The following NELL2 variants were observed in gnomAD, a reference collection of about 807,000 sequenced individuals.
The protein encoded by NELL2 is protein kinase C-binding protein NELL2.
Under a neutral mutation model 109.6 loss-of-function variants are expected in NELL2, and 41 were observed. That is an observed-to-expected ratio of 0.37 (90% CI 0.29 to 0.49). The LOEUF (loss-of-function observed/expected upper bound fraction) is 0.49, where lower values mean the gene tolerates loss of function less well. NELL2 is among the 20% of genes least tolerant of loss of function. The probability of loss-of-function intolerance (pLI) is 0.98; values close to 1 mark genes in which losing one functional copy is unlikely to be tolerated. For synonymous variants in NELL2, 355 were observed against 344.7 expected, an observed-to-expected ratio of 1.03 and a Z score of -0.33; for missense variants, 900 against 1,008.3, an observed-to-expected ratio of 0.89 and a Z score of 1.45.
At chr12:44,587,636 C>A (rs2136220422) in intron 15 of NELL2, among the ~76,000 whole-genome samples, 1 of 152,032 alleles carries the variant, frequency 6.6e-6, no homozygotes, top group Non-Finnish European at 1.5e-5. Context: ...GGATAGATAG[C>A]CGACTGTATT....
intron 1 of NELL2, among the ~76,000 whole-genome samples, chr12:44,903,202 A>G (rs1198608698): frequency 6.6e-6 from 1 of 152,212 alleles, no homozygotes; most frequent in Non-Finnish European, 1.5e-5. Context: ...CAAGAAAAAA[A>G]ATACCCCCAT....
In NELL2 at chr12:44,832,482, T is replaced by G. The variant is rs138272805; in HGVS notation, c.185-16346A>C. On this transcript the variant is annotated intron_variant, in intron 2 of 19. Coordinates refer to ENST00000429094, the MANE Select transcript of NELL2 (RefSeq NM_001145108.2). ...CCAGGTGTAGGGATCAATTCTGTAA[T>G]TCTCCTTTTTAGCACAGTGATCTGC... Among the ~76,000 whole-genome samples, 18 of 152,338 alleles carry G rather than the reference T, an allele frequency of 1.2e-4. No homozygotes were observed. In the East Asian group the frequency reaches 3.5e-3, roughly 29 times the overall value.
chr12:44,754,574 A>C (rs1386039067), intron 9 of NELL2, among the ~76,000 whole-genome samples: 1 of 152,196 alleles, frequency 6.6e-6, no homozygotes, highest in Non-Finnish European at 1.5e-5. Flanking sequence ...ATGATATTTC[A>C]AACACTTTAT....
At chr12:44,860,887 TC>T (rs1944821429) in intron 2 of NELL2, among the ~76,000 whole-genome samples, 2 of 152,072 alleles carry the variant, frequency 1.3e-5, no homozygotes, top group African/African-American at 4.8e-5. Context: ...CATGCAAAAG[TC>T]CCCCAAATTT....
At position 44,899,499 on chromosome 12, in the gene NELL2, T is replaced by C. The variant is rs1032444854; in HGVS notation, c.38+14300A>G. 2.6e-5 allele frequency among the ~76,000 whole-genome samples: 4 copies of C among 152,196 alleles called. No individual in the cohort carries two copies. The East Asian group carries it at 5.8e-4, about 22-fold the overall frequency. On this transcript the variant is annotated intron_variant, in intron 1 of 20. Transcript: ENST00000333837. ...AAAGAATTTTCCACCCAGAATTTTA[T>C]ATCCAACCAAACTAAGCTTCAAAAG...
At chr12:44,814,215 GGCCATCATC>G (rs1284864524) in intron 3 of NELL2, among the ~76,000 whole-genome samples, 4 of 152,086 alleles carry the variant, frequency 2.6e-5, no homozygotes, top group African/African-American at 9.7e-5. Context: ...AGGTAGCAGT[GGCCATCATC>G]TATGTAAGGG....
rs575831366 is a variant in NELL2, at chr12:44,742,770, T to G, written c.995-28029A>C. Among the ~76,000 whole-genome samples the G allele has an allele frequency of 2.3e-3, 342 of 151,922 alleles. 1 individual carries two copies. Among genetic ancestry groups the G allele is most frequent in the Middle Eastern group, 0.01 (3 of 294 alleles). ...TTAGAGAAAAAAGAATAAAAAGAAATGAACAAAGCCTCCAAGAAAATGGGA... is the reference window on the plus strand; with the variant it reads ...TTAGAGAAAAAAGAATAAAAAGAAAGGAACAAAGCCTCCAAGAAAATGGGA... On this transcript the variant is annotated intron_variant, in intron 9 of 19. Coordinates refer to ENST00000429094, the MANE Select transcript of NELL2 (RefSeq NM_001145108.2).
chr12:44,582,902 T>A (rs148113001), intron 15 of NELL2, among the ~76,000 whole-genome samples: 60 of 152,260 alleles, frequency 3.9e-4, no homozygotes, highest in African/African-American at 1.4e-3. Context: ...AGGTGTGTTA[T>A]CCTGAGGGTG....
intron 1 of NELL2, among the ~76,000 whole-genome samples, chr12:44,910,802 G>C (rs1485739564): frequency 6.6e-6 from 1 of 151,858 alleles, no homozygotes; most frequent in Non-Finnish European, 1.5e-5. Flanking sequence ...CATGTTCTTC[G>C]CAGCAATATG....
chr12:44,534,105 C>A (rs1942200521), intron 15 of NELL2, among the ~76,000 whole-genome samples: 1 of 152,046 alleles, frequency 6.6e-6, no homozygotes, highest in Non-Finnish European at 1.5e-5. Context: ...GTCTCATCCC[C>A]CTCCAAATTC....
intron 1 of NELL2, among the ~76,000 whole-genome samples, chr12:44,898,489 C>G (rs1461299043): frequency 6.6e-6 from 1 of 152,150 alleles, no homozygotes; most frequent in Non-Finnish European, 1.5e-5. Context: ...ATCCAGCAAA[C>G]TCCAGCAGAC....
intron 16 of NELL2, among the ~76,000 whole-genome samples, chr12:44,530,689 C>A (rs894494719): frequency 1.3e-5 from 2 of 152,178 alleles, no homozygotes; most frequent in African/African-American, 4.8e-5. Context: ...CAAGCTCCCA[C>A]GCCTTGAGGA....
intron 9 of NELL2, among the ~76,000 whole-genome samples, chr12:44,727,891 A>G (rs756961497): frequency 1.2e-4 from 19 of 152,040 alleles, no homozygotes; most frequent in Non-Finnish European, 2.6e-4. Flanking sequence ...ATGCCTCTGG[A>G]ATTAACTAAG....
chr12:44,510,293 T>C (rs1294574389), intron 19 of NELL2, among the ~76,000 whole-genome samples: 1 of 152,152 alleles, frequency 6.6e-6, no homozygotes, highest in East Asian at 1.9e-4. Flanking sequence ...TGGATTCCTA[T>C]TAATAGTCAC....
intron 13 of NELL2, among the ~76,000 whole-genome samples, chr12:44,641,669 A>G (rs917894212): frequency 6.9e-6 from 1 of 144,840 alleles, no homozygotes; most frequent in African/African-American, 2.5e-5. Flanking sequence ...TAAACTCGTG[A>G]GGACTTGTAC....
intron 2 of NELL2, among the ~76,000 whole-genome samples, chr12:44,828,009 C>T (rs185387565): frequency 1.4e-3 from 208 of 152,260 alleles, no homozygotes; most frequent in African/African-American, 4.9e-3. Flanking sequence ...GCCATTTTGA[C>T]TGGGGTGAGA....
chr12:44,631,772 A>G (rs1435446348), intron 13 of NELL2, among the ~76,000 whole-genome samples: 1 of 152,128 alleles, frequency 6.6e-6, no homozygotes, highest in Non-Finnish European at 1.5e-5. Flanking sequence ...ATGAATATCA[A>G]TGGTACACAG....
At chr12:44,566,972 C>T (rs150544807) in intron 15 of NELL2, among the ~76,000 whole-genome samples, 2,181 of 152,060 alleles carry the variant, frequency 0.014, 41 homozygotes, top group African/African-American at 0.049. Flanking sequence ...CCACCAGGCC[C>T]GGCTAATTTT....
At chr12:44,772,276 C>A (rs1941580341) in intron 9 of NELL2, among the ~76,000 whole-genome samples, 1 of 152,190 alleles carries the variant, frequency 6.6e-6, no homozygotes, top group Non-Finnish European at 1.5e-5. Context: ...GTGATACACA[C>A]ACACACGCAC....
Sources: allele counts gnomAD v4.1 joint callset (sites outside exome capture counted in the v4.1 genomes callset), GRCh38; gene constraint gnomAD v4.1.1; transcripts MANE v1.5; gene names NCBI Gene and HGNC (gene_info 2026-07-23, HGNC 2026-07-21).